Variants in POLK observed in about 807,000 individuals in gnomAD.
The protein encoded by POLK is DNA polymerase kappa.
In POLK, 76 loss-of-function variants were observed where a neutral mutation model predicts 94.0. That is an observed-to-expected ratio of 0.81 (90% CI 0.67 to 0.98). The LOEUF is 0.98. Ranked by LOEUF, POLK falls within the 50% of genes least tolerant of loss-of-function variation. POLK has a pLI of 0.00. For missense variants in POLK, 954 were observed against 1,010.1 expected, an observed-to-expected ratio of 0.94 and a Z score of 0.75; for synonymous variants, 349 against 325.4, an observed-to-expected ratio of 1.07 and a Z score of -0.78.
upstream of POLK, chr5:75,511,379 C>G (rs1005874888): frequency 7.8e-6 from 12 of 1,546,782 alleles, no homozygotes; most frequent in Admixed American, 5.9e-5. Context: ...GCCGCCGCGC[C>G]TGACACCGAG....
At chr5:75,520,053 G>A (rs946381794) in intron 1 of POLK, among the ~76,000 whole-genome samples, 7 of 152,050 alleles carry the variant, frequency 4.6e-5, no homozygotes, top group Admixed American at 4.6e-4. Flanking sequence ...TTTTTGCACT[G>A]TGGTTACCGT....
In POLK at chr5:75,579,969, C is replaced by CT. The variant is rs1351408102; in HGVS notation, c.695-1238dup. 6.6e-5 allele frequency among the ~76,000 whole-genome samples: 8 copies of CT among 121,486 alleles called. No homozygotes were observed. The East Asian group carries it at 1.4e-3, about 22-fold the overall frequency. The allele number at this position is 121,486 out of a possible 152,430, so 79.7% of individuals were successfully genotyped here. On this transcript the variant is annotated intron_variant, in intron 6 of 14. Transcript: ENST00000241436. Reference sequence around the variant, plus strand: ...AGCCTGGGCAAGAGGGAGACCCTGTCTTAAAAAAAAAAAAAAAAAAAGAGA... The same window carrying CT: ...AGCCTGGGCAAGAGGGAGACCCTGTCTTTAAAAAAAAAAAAAAAAAAAGAGA...
intron 3 of POLK, among the ~76,000 whole-genome samples, chr5:75,558,285 C>G (rs1463059898): frequency 6.7e-6 from 1 of 150,276 alleles, no homozygotes; most frequent in Non-Finnish European, 1.5e-5. Flanking sequence ...TTCCTCATAA[C>G]CATGCCTATG....
intron 3 of POLK, among the ~76,000 whole-genome samples, chr5:75,558,570 T>C (rs1581015186): frequency 6.6e-6 from 1 of 152,288 alleles, no homozygotes; most frequent in South Asian, 2.1e-4. Flanking sequence ...ATCAATTCAG[T>C]CTTTTCCTGT....
At chr5:75,596,832 A>G in exon 13 of POLK, 5 of 1,611,744 alleles carry the variant, frequency 3.1e-6, no homozygotes, top group Non-Finnish European at 4.2e-6. Flanking sequence ...CATCTAAAGC[A>G]GAAAGCATAG....
intron 12 of POLK, among the ~76,000 whole-genome samples, chr5:75,595,635 C>T (rs1254166700): frequency 1.3e-5 from 2 of 152,036 alleles, no homozygotes; most frequent in African/African-American, 4.8e-5. Flanking sequence ...GAAATGATTC[C>T]GTATGATTCT....
intron 3 of POLK, among the ~76,000 whole-genome samples, chr5:75,567,274 T>C (rs1461539554): frequency 6.6e-6 from 1 of 152,234 alleles, no homozygotes; most frequent in Non-Finnish European, 1.5e-5. Flanking sequence ...TATTCTCATT[T>C]GACTGTTATT....
exon 9 of POLK, chr5:75,584,855 C>T: frequency 6.2e-7 from 1 of 1,605,348 alleles, no homozygotes; most frequent in Non-Finnish European, 8.5e-7. Context: ...TGCTTTCTCT[C>T]CTTTTCTCTG....
At chr5:75,558,079 A>G (rs113997804) in intron 3 of POLK, among the ~76,000 whole-genome samples, 2,050 of 152,212 alleles carry the variant, frequency 0.013, 47 homozygotes, top group African/African-American at 0.048. Context: ...GTGAGCCAAC[A>G]TGTTGGGCCT....
At chr5:75,589,436 C>CATAT (rs1271651125) in intron 10 of POLK, among the ~76,000 whole-genome samples, 15 of 143,312 alleles carry the variant, frequency 1.0e-4, no homozygotes, top group African/African-American at 3.9e-4. Flanking sequence ...CACACACACA[C>CATAT]ACGTGGAATA....
chr5:75,589,647 ACATTGGTTGC>A (rs1772674314), intron 10 of POLK, among the ~76,000 whole-genome samples: 1 of 152,124 alleles, frequency 6.6e-6, no homozygotes, highest in Admixed American at 6.5e-5. Context: ...AGAAGCTGAC[ACATTGGTTGC>A]CACTAGGGAA....
intron 1 of POLK, among the ~76,000 whole-genome samples, chr5:75,533,081 T>C (rs1011666654): frequency 7.2e-5 from 11 of 152,310 alleles, no homozygotes; most frequent in African/African-American, 2.6e-4. Context: ...AGAACCTCTT[T>C]AGTTTAATTA....
At chr5:75,522,652 CATTTTATTTTTAAATT>C (rs1768643337) in intron 1 of POLK, among the ~76,000 whole-genome samples, 2 of 151,918 alleles carry the variant, frequency 1.3e-5, no homozygotes, top group Admixed American at 1.3e-4. Flanking sequence ...TAGGTGATTC[CATTTTATTTTTAAATT>C]ATTTTATTTT....
chr5:75,607,144 T>C, the POLK span, among the ~76,000 whole-genome samples: 1 of 152,148 alleles, frequency 6.6e-6, no homozygotes, highest in African/African-American at 2.4e-5. Context: ...GGGGTAGCCA[T>C]GTGACTGAGT....
At chr5:75,596,101 CT>C in intron 12 of POLK, 120 bp from the exon 13 acceptor site, 2 of 621,232 alleles carry the variant, frequency 3.2e-6, no homozygotes, top group South Asian at 4.5e-5. Flanking sequence ...TGAAATGTTA[CT>C]TATAGTTTCT....
intron 5 of POLK, 29 bp downstream of exon 5, chr5:75,573,898 G>A: frequency 6.2e-7 from 1 of 1,610,354 alleles, no homozygotes; most frequent in Non-Finnish European, 8.5e-7. Flanking sequence ...CCTACTTTAG[G>A]CTTTCACTGA....
At chr5:75,582,928 G>A (rs1016147704) in intron 7 of POLK, 10 of 157,646 alleles carry the variant, frequency 6.3e-5, no homozygotes, top group African/African-American at 1.0e-4. Context: ...CAGCCTGGGC[G>A]ACAGAGCAAG....
chr5:75,607,081 A>T, the POLK span, among the ~76,000 whole-genome samples: 1 of 152,204 alleles, frequency 6.6e-6, no homozygotes, highest in African/African-American at 2.4e-5. Flanking sequence ...GGTGTTACAG[A>T]ATTGATGACT....
intron 1 of POLK, chr5:75,534,705 G>A (rs558277721): frequency 1.6e-4 from 24 of 152,272 alleles, no homozygotes; most frequent in African/African-American, 5.3e-4. Flanking sequence ...TTGTTGAATT[G>A]AGCCCTTAAC....
Sources: gnomAD v4.1 joint callset for allele counts (sites outside exome capture counted in the v4.1 genomes callset) on GRCh38, gnomAD v4.1.1 for gene constraint, MANE v1.5 for transcripts, NCBI Gene and HGNC (gene_info 2026-07-23, HGNC 2026-07-21) for gene names.